MKLN1: variants seen among roughly 807,000 people sequenced by gnomAD.
MKLN1 encodes the protein muskelin 1, also known as muskelin.
Under a neutral mutation model 99.0 loss-of-function variants are expected in MKLN1, and 18 were observed. That is an observed-to-expected ratio of 0.18 (90% confidence interval 0.13 to 0.27). MKLN1 has a LOEUF of 0.27. Ranked by LOEUF, MKLN1 falls within the 10% of genes least tolerant of loss-of-function variation. MKLN1 has a pLI of 1.00. For missense variants in MKLN1, 621 were observed against 875.9 expected, an observed-to-expected ratio of 0.71 and a Z score of 3.67; for synonymous variants, 288 against 293.2, an observed-to-expected ratio of 0.98 and a Z score of 0.18.
intron 3 of MKLN1, among the ~76,000 whole-genome samples, chr7:131,319,842 A>T (rs957073850): frequency 3.3e-5 from 5 of 152,212 alleles, no homozygotes; most frequent in Non-Finnish European, 5.9e-5. Context: ...TGCTACAAAG[A>T]GAATAAAATA....
intron 1 of MKLN1, among the ~76,000 whole-genome samples, chr7:131,350,992 G>A (rs530329827): frequency 2.1e-4 from 32 of 152,202 alleles, no homozygotes; most frequent in African/African-American, 7.5e-4. Context: ...TTAATTTTCA[G>A]TTTTCTAAAA....
In MKLN1 at chr7:131,319,913, G is replaced by A. The variant is rs193209458; in HGVS notation, c.-178-55511G>A. Among the ~76,000 whole-genome samples, 498 of 152,224 alleles carry A rather than the reference G, an allele frequency of 3.3e-3. 2 individuals are homozygous for A. The highest frequency in any genetic ancestry group is 0.012 in the Admixed American group (183 of 15,290). ...TTTTCAAGGAGAACTACAAACCACT[G>A]CTCAAGGAAATGAGAGGACTCAAAC... is the stretch of plus-strand genomic sequence containing the variant. On this transcript the variant is annotated intron_variant, in intron 3 of 7. Coordinates refer to the MKLN1 transcript ENST00000416992.
intron 10 of MKLN1, among the ~76,000 whole-genome samples, chr7:131,439,288 C>T (rs1419450685): frequency 6.8e-6 from 1 of 146,146 alleles, no homozygotes; most frequent in African/African-American, 2.5e-5. Context: ...ATGCTGATGT[C>T]TTTTTTTTTT....
chr7:131,276,738 G>A (rs6965931), intron 3 of MKLN1, among the ~76,000 whole-genome samples: 18,902 of 152,164 alleles, frequency 0.12, 1,296 homozygotes, highest in African/African-American at 0.19. Flanking sequence ...AGATTTGGGG[G>A]TCATTTGTTC....
intron 15 of MKLN1, among the ~76,000 whole-genome samples, chr7:131,469,097 A>G (rs1397720385): frequency 6.6e-6 from 1 of 152,082 alleles, no homozygotes; most frequent in Non-Finnish European, 1.5e-5. Flanking sequence ...CCTACTGACT[A>G]CTGCTGACTT....
At chr7:131,248,530 A>T (rs539252033) in intron 3 of MKLN1, among the ~76,000 whole-genome samples, 1 of 152,294 alleles carries the variant, frequency 6.6e-6, no homozygotes, top group African/African-American at 2.4e-5. Flanking sequence ...CATTTAATGG[A>T]TCTTTTGCTT....
intron 1 of MKLN1, among the ~76,000 whole-genome samples, chr7:131,354,149 C>T (rs1007847850): frequency 2.6e-5 from 4 of 151,990 alleles, no homozygotes; most frequent in African/African-American, 9.7e-5. Context: ...GTAAACTTGT[C>T]TATGTCTAAA....
chr7:131,322,834 T>C (rs1798809925), intron 3 of MKLN1, among the ~76,000 whole-genome samples: 1 of 151,280 alleles, frequency 6.6e-6, no homozygotes, highest in Non-Finnish European at 1.5e-5. Context: ...CCTCCCAAAG[T>C]GCTGGGATTA....
intron 1 of MKLN1, among the ~76,000 whole-genome samples, chr7:131,129,600 GTC>G (rs1038593126): frequency 2.6e-5 from 4 of 152,146 alleles, no homozygotes; most frequent in Non-Finnish European, 5.9e-5. Flanking sequence ...TAAAGACAGG[GTC>G]TCTCTCTGTC....
intron 9 of MKLN1, among the ~76,000 whole-genome samples, chr7:131,434,205 A>T (rs1373357115): frequency 6.6e-6 from 1 of 152,006 alleles, no homozygotes; most frequent in African/African-American, 2.4e-5. Context: ...TGTTTTAATG[A>T]TATTGAATCT....
chr7:131,382,802 C>G (rs1272110899), intron 2 of MKLN1, among the ~76,000 whole-genome samples: 1 of 151,882 alleles, frequency 6.6e-6, no homozygotes, highest in Non-Finnish European at 1.5e-5. Flanking sequence ...TGGCTCACTG[C>G]AAGCTCCGCC....
chr7:131,346,067 C>T (rs980398002), intron 1 of MKLN1, among the ~76,000 whole-genome samples: 1 of 152,122 alleles, frequency 6.6e-6, no homozygotes, highest in Non-Finnish European at 1.5e-5. Flanking sequence ...AGTAAAATTA[C>T]ATTTACATTT....
intron 3 of MKLN1, among the ~76,000 whole-genome samples, chr7:131,249,985 T>C (rs1189917607): frequency 6.6e-6 from 1 of 152,012 alleles, no homozygotes. Flanking sequence ...TTCTCAGTGG[T>C]TTAATGTGAA....
chr7:131,328,190 A>G, intron 1 of MKLN1, 193 bp downstream of exon 1: 1 of 680,122 alleles, frequency 1.5e-6, no homozygotes, highest in Non-Finnish European at 2.4e-6. Flanking sequence ...TAGGGTCCGG[A>G]GAGCGAGCCC....
At chr7:131,446,284 A>C (rs761298466) in intron 12 of MKLN1, among the ~76,000 whole-genome samples, 1 of 152,122 alleles carries the variant, frequency 6.6e-6, no homozygotes, top group Non-Finnish European at 1.5e-5. Flanking sequence ...TAAGGGGGGA[A>C]CTTCATGGGA....
intron 2 of MKLN1, among the ~76,000 whole-genome samples, chr7:131,169,308 C>CA (rs1405517122): frequency 6.6e-6 from 1 of 152,188 alleles, no homozygotes; most frequent in Non-Finnish European, 1.5e-5. Flanking sequence ...AATTGAATAA[C>CA]AGAATAATTC....
At chr7:131,451,340 T>TG (rs1270854462) in intron 12 of MKLN1, among the ~76,000 whole-genome samples, 2 of 152,160 alleles carry the variant, frequency 1.3e-5, no homozygotes. Context: ...GATTCAGTAA[T>TG]GTGGCTTATT....
chr7:131,344,958 C>A (rs372810910), intron 1 of MKLN1, among the ~76,000 whole-genome samples: 3 of 152,098 alleles, frequency 2.0e-5, no homozygotes, highest in Non-Finnish European at 2.9e-5. Context: ...CGCACCACTG[C>A]GCCTGGCTAA....
intron 2 of MKLN1, among the ~76,000 whole-genome samples, chr7:131,159,337 TAC>T (rs149930072): frequency 0.066 from 10,019 of 151,070 alleles, 557 homozygotes; most frequent in South Asian, 0.3. Flanking sequence ...AAAATGTGGA[TAC>T]ACACACACAC....
Sources: allele counts gnomAD v4.1 joint callset (sites outside exome capture counted in the v4.1 genomes callset), GRCh38; gene constraint gnomAD v4.1.1; transcripts MANE v1.5; gene names NCBI Gene and HGNC (gene_info 2026-07-23, HGNC 2026-07-21).